The following ERICH1 variants were observed in gnomAD, a reference collection of about 807,000 sequenced individuals.
ERICH1 encodes the protein glutamate-rich protein 1.
ERICH1 carries 56 observed loss-of-function variants against 39.6 expected under a neutral mutation model. That is an observed-to-expected ratio of 1.41 (90% CI 1.14 to 1.77). ERICH1 has a LOEUF of 1.77. Among genes scored for constraint, ERICH1 ranks in the 40% most tolerant of loss-of-function variants. The pLI is 0.00. For synonymous variants in ERICH1, 313 were observed against 223.6 expected (o/e 1.40, Z -3.57); for missense variants, 826 against 575.4 (o/e 1.44, Z -4.45).
chr8:700,133 A>G (rs1811574259), intron 2 of ERICH1, among the ~76,000 whole-genome samples: 1 of 140,432 alleles, frequency 7.1e-6, no homozygotes, highest in Non-Finnish European at 1.5e-5. Flanking sequence ...ACAGGCGCAC[A>G]GACCCGCACA....
At chr8:636,759 T>C (rs1290868998) in intron 3 of ERICH1, among the ~76,000 whole-genome samples, 1 of 152,268 alleles carries the variant, frequency 6.6e-6, no homozygotes, top group Admixed American at 6.5e-5. Flanking sequence ...GGCAGCTCCC[T>C]GATGAGGCCC....
intron 2 of ERICH1, among the ~76,000 whole-genome samples, chr8:699,829 A>G (rs192906724): frequency 0.012 from 853 of 70,892 alleles, 11 homozygotes; most frequent in East Asian, 0.02. Flanking sequence ...AAGCGCACAG[A>G]CCCGCACAGG....
At chr8:623,260 T>C (rs1162300153) in intron 3 of ERICH1, among the ~76,000 whole-genome samples, 2 of 152,146 alleles carry the variant, frequency 1.3e-5, no homozygotes, top group Non-Finnish European at 2.9e-5. Flanking sequence ...ATCAATGTAA[T>C]AGACACCATA....
chr8:710,361 G>A (rs538424409), intron 2 of ERICH1, among the ~76,000 whole-genome samples: 8 of 148,216 alleles, frequency 5.4e-5, no homozygotes, highest in East Asian at 2.0e-4. Flanking sequence ...CCTCGGCATC[G>A]TACGGGGCGG....
At chr8:674,330 T>C (rs1804173159) in intron 3 of ERICH1, among the ~76,000 whole-genome samples, 1 of 129,194 alleles carries the variant, frequency 7.7e-6, no homozygotes, top group Non-Finnish European at 1.6e-5. Context: ...TGACACAGAC[T>C]CTTACTTTGC....
At chr8:621,774 C>A (rs574830739) in intron 3 of ERICH1, among the ~76,000 whole-genome samples, 13 of 152,156 alleles carry the variant, frequency 8.5e-5, no homozygotes, top group African/African-American at 2.6e-4. Flanking sequence ...AAAATAATGA[C>A]CTTATAAAAG....
At chr8:709,926 G>A (rs1042394290) in intron 2 of ERICH1, among the ~76,000 whole-genome samples, 2 of 152,074 alleles carry the variant, frequency 1.3e-5, no homozygotes, top group Non-Finnish European at 2.9e-5. Context: ...ACTTTAGGTA[G>A]GTTAGAACAA....
At chr8:615,008 G>C (rs1796842451) in exon 4 of ERICH1, 2 of 429,474 alleles carry the variant, frequency 4.7e-6, no homozygotes, top group Non-Finnish European at 8.2e-6. Context: ...CTTGGGCACT[G>C]CCTCATTCAA....
At chr8:709,934 C>G (rs1006206541) in intron 2 of ERICH1, among the ~76,000 whole-genome samples, 1 of 151,850 alleles carries the variant, frequency 6.6e-6, no homozygotes, top group Non-Finnish European at 1.5e-5. Flanking sequence ...TAGGTTAGAA[C>G]AAAGAAAAAG....
chr8:671,722 C>G (rs1429468744), intron 4 of ERICH1: 2 of 152,210 alleles, frequency 1.3e-5, no homozygotes, highest in Admixed American at 1.6e-4. Flanking sequence ...CCTGCCGCCC[C>G]GGCTCTAATG....
intron 3 of ERICH1, among the ~76,000 whole-genome samples, chr8:635,425 C>T (rs1324362747): frequency 1.3e-5 from 2 of 152,212 alleles, no homozygotes; most frequent in Admixed American, 6.5e-5. Flanking sequence ...ACAATAGTGA[C>T]AGCTAAGGCT....
chr8:708,681 G>GTTTTTTGTTTTTTTTTTTTGTT, intron 2 of ERICH1, among the ~76,000 whole-genome samples: 2 of 65,816 alleles, frequency 3.0e-5, no homozygotes, highest in South Asian at 1.2e-3. Context: ...GGGATAATGA[G>GTTTTTTGTTTTTTTTTTTTGTT]TTTTTTTTTT....
At chr8:727,085 G>A (rs938835302) in intron 1 of ERICH1, among the ~76,000 whole-genome samples, 5 of 150,730 alleles carry the variant, frequency 3.3e-5, no homozygotes, top group South Asian at 2.1e-4. Flanking sequence ...ATACACACAC[G>A]CACACCACAA....
chr8:623,698 C>CA (rs1407866641), intron 3 of ERICH1, among the ~76,000 whole-genome samples: 7 of 152,080 alleles, frequency 4.6e-5, no homozygotes, highest in Non-Finnish European at 7.4e-5. Flanking sequence ...GGACTTCATG[C>CA]AAAAACATGA....
intron 2 of ERICH1, among the ~76,000 whole-genome samples, chr8:704,320 C>A (rs886739173): frequency 6.6e-6 from 1 of 152,122 alleles, no homozygotes; most frequent in South Asian, 2.1e-4. Context: ...CCGGGAGTTA[C>A]GGCAAGGACT....
intron 2 of ERICH1, among the ~76,000 whole-genome samples, chr8:705,104 G>A (rs1021639234): frequency 5.3e-5 from 8 of 152,334 alleles, no homozygotes; most frequent in South Asian, 2.1e-4. Context: ...GAAACAGATC[G>A]TGTGAAGTGA....
chr8:700,742 T>G (rs1382240962), intron 2 of ERICH1, among the ~76,000 whole-genome samples: 1 of 152,216 alleles, frequency 6.6e-6, no homozygotes, highest in African/African-American at 2.4e-5. Context: ...TCGGATGGCC[T>G]CCTCCATGCA....
chr8:718,583 T>C (rs769532906), intron 1 of ERICH1, among the ~76,000 whole-genome samples: 4 of 152,244 alleles, frequency 2.6e-5, no homozygotes, highest in Non-Finnish European at 5.9e-5. Context: ...TAAAGTCAGC[T>C]GGCTTTAAAT....
At chr8:681,388 T>C (rs1431552909) in intron 3 of ERICH1, among the ~76,000 whole-genome samples, 1 of 152,276 alleles carries the variant, frequency 6.6e-6, no homozygotes, top group Non-Finnish European at 1.5e-5. Flanking sequence ...GCATTTGTGG[T>C]GAGACATACC....
Sources: allele counts gnomAD v4.1 joint callset (sites outside exome capture counted in the v4.1 genomes callset), GRCh38; gene constraint gnomAD v4.1.1; transcripts MANE v1.5; gene names NCBI Gene and HGNC (gene_info 2026-07-23, HGNC 2026-07-21).